WWOX: variants seen among roughly 807,000 people sequenced by gnomAD.
WWOX encodes WW domain-containing oxidoreductase.
In WWOX, 69 loss-of-function variants were observed where a neutral mutation model predicts 46.2. The ratio of observed to expected loss-of-function variants is 1.49; its 90% CI spans 1.23 to 1.82. WWOX has a LOEUF of 1.82. Ranked by LOEUF, WWOX falls within the 40% of genes most tolerant of loss-of-function variation. The pLI is 0.00. For synonymous variants in WWOX, 359 were observed against 202.6 expected (o/e 1.77, Z -6.56); for missense variants, 919 against 542.6 (o/e 1.69, Z -6.89).
chr16:78,200,305 C>T (rs1410359897), intron 5 of WWOX, among the ~76,000 whole-genome samples: 2 of 151,580 alleles, frequency 1.3e-5, no homozygotes, highest in African/African-American at 4.9e-5. Flanking sequence ...TAATTCCTTT[C>T]CCCCTGCTGA....
intron 8 of WWOX, among the ~76,000 whole-genome samples, chr16:78,973,587 C>A (rs2046514403): frequency 6.6e-6 from 1 of 151,944 alleles, no homozygotes; most frequent in African/African-American, 2.4e-5. Flanking sequence ...GTTTTTCTTT[C>A]TGTCTCAGTC....
At chr16:78,525,642 T>C (rs1046568804) in intron 8 of WWOX, 4 of 152,328 alleles carry the variant, frequency 2.6e-5, no homozygotes, top group African/African-American at 9.6e-5. Context: ...ATATCTTCTA[T>C]CTTTTCCAAC....
chr16:79,196,173 C>T (rs2051236199), intron 8 of WWOX, among the ~76,000 whole-genome samples: 1 of 152,208 alleles, frequency 6.6e-6, no homozygotes, highest in African/African-American at 2.4e-5. Flanking sequence ...TGTTCTTCAC[C>T]TGTTGGTGAA....
intron 8 of WWOX, among the ~76,000 whole-genome samples, chr16:79,154,899 A>C (rs993558134): frequency 2.6e-5 from 4 of 152,188 alleles, no homozygotes; most frequent in Admixed American, 2.0e-4. Context: ...AATACATATC[A>C]TGGTTTTGGA....
intron 8 of WWOX, among the ~76,000 whole-genome samples, chr16:78,885,343 C>A (rs184140768): frequency 8.5e-5 from 13 of 152,222 alleles, no homozygotes; most frequent in African/African-American, 2.9e-4. Flanking sequence ...AGTATAAAAT[C>A]TTTCCTGTCA....
intron 4 of WWOX, among the ~76,000 whole-genome samples, chr16:78,147,690 TTTTTTTA>T (rs1247484328): frequency 5.1e-4 from 56 of 109,096 alleles, no homozygotes; most frequent in Middle Eastern, 9.3e-3. Flanking sequence ...TTTTTTTTTT[TTTTTTTA>T]AAAAAAAAAA....
At chr16:78,824,616 A>C (rs928330925) in intron 8 of WWOX, among the ~76,000 whole-genome samples, 18 of 152,246 alleles carry the variant, frequency 1.2e-4, no homozygotes, top group African/African-American at 3.9e-4. Context: ...CAGGAGGTGA[A>C]AGGCACTTCT....
chr16:78,454,812 T>G (rs2083778243), intron 8 of WWOX, among the ~76,000 whole-genome samples: 1 of 152,294 alleles, frequency 6.6e-6, no homozygotes, highest in South Asian at 2.1e-4. Context: ...TTTTGTTTTG[T>G]TTTTGTGTAT....
At chr16:79,105,390 C>T (rs576869669) in intron 8 of WWOX, among the ~76,000 whole-genome samples, 1 of 152,130 alleles carries the variant, frequency 6.6e-6, no homozygotes, top group Non-Finnish European at 1.5e-5. Context: ...ATATTCGTAC[C>T]CATGTACGTA....
At chr16:78,165,142 T>C (rs1272261607) in intron 5 of WWOX, among the ~76,000 whole-genome samples, 1 of 152,142 alleles carries the variant, frequency 6.6e-6, no homozygotes, top group Non-Finnish European at 1.5e-5. Flanking sequence ...TCTGGTAGAC[T>C]CTGAGATAGC....
chr16:78,648,533 C>T (rs2046896419), intron 8 of WWOX, among the ~76,000 whole-genome samples: 1 of 152,172 alleles, frequency 6.6e-6, no homozygotes, highest in African/African-American at 2.4e-5. Flanking sequence ...AGCTCTGGAG[C>T]AGTCAACTCA....
intron 8 of WWOX, among the ~76,000 whole-genome samples, chr16:78,544,010 C>A (rs1373837855): frequency 1.3e-5 from 2 of 152,166 alleles, no homozygotes; most frequent in Non-Finnish European, 2.9e-5. Flanking sequence ...TTACATCCCT[C>A]AGTTTCAAAG....
Position 79,083,314 on chromosome 16 carries a change from C to G in WWOX, c.1057-128294C>G, listed in dbSNP as rs139971165. ...ATATTAAGAGCCAGTGTGTGGTTCA[C>G]CCTGACCCCTTCCTATGCCCCAGCA... On this transcript the variant is annotated intron_variant, in intron 8 of 8. Coordinates refer to ENST00000566780, the MANE Select transcript of WWOX (RefSeq NM_016373.4). Among the ~76,000 whole-genome samples, 344 of 152,282 alleles carry G rather than the reference C, an allele frequency of 2.3e-3. 1 individual carries two copies. Among genetic ancestry groups the G allele is most frequent in the African/African-American group, 7.8e-3 (323 of 41,568 alleles).
chr16:78,330,878 A>T (rs2080740086), intron 5 of WWOX, among the ~76,000 whole-genome samples: 1 of 152,232 alleles, frequency 6.6e-6, no homozygotes, highest in Non-Finnish European at 1.5e-5. Context: ...GTAAGCTGAG[A>T]TGATATGCAT....
chr16:78,386,732 A>T, intron 5 of WWOX, 128 bp from the exon 6 acceptor site: 1 of 748,228 alleles, frequency 1.3e-6, no homozygotes, highest in Non-Finnish European at 2.2e-6. Flanking sequence ...GATGATTTAT[A>T]TTCTCTCTGG....
intron 8 of WWOX, among the ~76,000 whole-genome samples, chr16:78,464,337 AGAAGAGAGAGAAGGAG>A (rs1014436696): frequency 1.2e-4 from 18 of 146,246 alleles, no homozygotes; most frequent in African/African-American, 4.4e-4. Context: ...GAGGAAGGAA[AGAAGAGAGAGAAGGAG>A]GAAGAGAGGG....
chr16:78,410,589 C>G (rs1355790927), intron 6 of WWOX, among the ~76,000 whole-genome samples: 1 of 151,700 alleles, frequency 6.6e-6, no homozygotes, highest in African/African-American at 2.4e-5. Flanking sequence ...GTGAGTGGAC[C>G]ATTTGAGGTT....
chr16:79,196,753 C>A (rs73584762), intron 8 of WWOX, among the ~76,000 whole-genome samples: 1 of 151,832 alleles, frequency 6.6e-6, no homozygotes, highest in African/African-American at 2.4e-5. Flanking sequence ...TTATTTGTTA[C>A]AACATGTAGA....
At chr16:78,587,557 A>C (rs1008571543) in intron 8 of WWOX, among the ~76,000 whole-genome samples, 5 of 152,116 alleles carry the variant, frequency 3.3e-5, no homozygotes, top group Non-Finnish European at 7.3e-5. Flanking sequence ...AGATTCGCTC[A>C]CTGCCCTCCC....
Sources: allele counts gnomAD v4.1 joint callset (sites outside exome capture counted in the v4.1 genomes callset), GRCh38; gene constraint gnomAD v4.1.1; transcripts MANE v1.5; gene names NCBI Gene and HGNC (gene_info 2026-07-23, HGNC 2026-07-21).